NTM: variants seen among roughly 807,000 people sequenced by gnomAD.
The protein encoded by NTM is neurotrimin.
Under a neutral mutation model 42.1 loss-of-function variants are expected in NTM, and 13 were observed. That is an observed-to-expected ratio of 0.31 (90% CI 0.20 to 0.49). NTM has a LOEUF of 0.49. Among genes scored for constraint, NTM ranks in the 20% least tolerant of loss-of-function variants. The probability of loss-of-function intolerance (pLI) is 0.99; values close to 1 mark genes in which losing one functional copy is unlikely to be tolerated. For missense variants in NTM, 373 were observed against 452.8 expected (o/e 0.82, Z 1.60); for synonymous variants, 187 against 179.2 (o/e 1.04, Z -0.35).
chr11:131,975,133 CT>C (rs1254771868), intron 2 of NTM, among the ~76,000 whole-genome samples: 1 of 152,054 alleles, frequency 6.6e-6, no homozygotes, highest in Admixed American at 6.6e-5. Flanking sequence ...GTTTTTCTTT[CT>C]TCTTATTTTT....
At chr11:132,107,788 A>C (rs1299196334) in intron 2 of NTM, among the ~76,000 whole-genome samples, 1 of 151,994 alleles carries the variant, frequency 6.6e-6, no homozygotes, top group Admixed American at 6.6e-5. Context: ...ATAACTCCCT[A>C]GTTTTCTTTG....
chr11:132,215,836 G>T (rs1173923705), intron 4 of NTM, among the ~76,000 whole-genome samples: 1 of 152,202 alleles, frequency 6.6e-6, no homozygotes, highest in African/African-American at 2.4e-5. Flanking sequence ...AGAGACCTTG[G>T]TCTTTTCAGG....
intron 1 of NTM, among the ~76,000 whole-genome samples, chr11:131,456,024 C>A (rs953180901): frequency 6.6e-6 from 1 of 151,924 alleles, no homozygotes; most frequent in African/African-American, 2.4e-5. Context: ...AAGTCTTGAC[C>A]CATTTGTGCC....
intron 1 of NTM, among the ~76,000 whole-genome samples, chr11:131,739,937 G>A (rs1339270907): frequency 2.6e-5 from 4 of 152,198 alleles, no homozygotes; most frequent in Admixed American, 6.5e-5. Flanking sequence ...GGAGCTAAAC[G>A]CACAGTCTCT....
intron 1 of NTM, among the ~76,000 whole-genome samples, chr11:131,789,237 C>G (rs1185049671): frequency 6.6e-6 from 1 of 151,002 alleles, no homozygotes; most frequent in African/African-American, 2.4e-5. Context: ...CACAAGAGTT[C>G]CTAAAGTTAT....
At chr11:132,225,391 G>A (rs1474478244) in intron 4 of NTM, among the ~76,000 whole-genome samples, 1 of 152,158 alleles carries the variant, frequency 6.6e-6, no homozygotes, top group Non-Finnish European at 1.5e-5. Context: ...AAGAAAGCCA[G>A]CTCAGCACAG....
chr11:132,323,605 G>A (rs2095617385), intron 7 of NTM, among the ~76,000 whole-genome samples: 1 of 152,054 alleles, frequency 6.6e-6, no homozygotes, highest in African/African-American at 2.4e-5. Context: ...GTACAAGGAG[G>A]AACTGGTACC....
chr11:132,283,064 G>A (rs1252000302), intron 4 of NTM, among the ~76,000 whole-genome samples: 1 of 140,450 alleles, frequency 7.1e-6, no homozygotes, highest in Non-Finnish European at 1.5e-5. Flanking sequence ...TTGGCTCACT[G>A]CAACCTTCGC....
chr11:131,792,727 A>G (rs1234527816), intron 1 of NTM, among the ~76,000 whole-genome samples: 1 of 152,202 alleles, frequency 6.6e-6, no homozygotes, highest in Non-Finnish European at 1.5e-5. Flanking sequence ...CGCCACGTGC[A>G]GCCCCTTGAT....
At chr11:131,495,224 C>T (rs563047162) in intron 1 of NTM, among the ~76,000 whole-genome samples, 10 of 152,304 alleles carry the variant, frequency 6.6e-5, no homozygotes, top group Admixed American at 5.2e-4. Flanking sequence ...TCCCAGGGGA[C>T]AGCCAGCACA....
At chr11:132,227,100 T>C (rs1004695446) in intron 4 of NTM, among the ~76,000 whole-genome samples, 2 of 152,126 alleles carry the variant, frequency 1.3e-5, no homozygotes, top group Admixed American at 1.3e-4. Context: ...ACATGCAGCG[T>C]GAAGGCAGAC....
At chr11:131,443,494 T>C (rs1949786180) in intron 1 of NTM, among the ~76,000 whole-genome samples, 1 of 152,168 alleles carries the variant, frequency 6.6e-6, no homozygotes, top group South Asian at 2.1e-4. Context: ...AGTGAGTACA[T>C]GAGTCAAACT....
chr11:131,914,756 T>C (rs973843560), intron 2 of NTM, among the ~76,000 whole-genome samples: 1 of 152,214 alleles, frequency 6.6e-6, no homozygotes, highest in Non-Finnish European at 1.5e-5. Context: ...GGCATATTTC[T>C]TAAAAGGGTG....
intron 2 of NTM, among the ~76,000 whole-genome samples, chr11:132,107,923 A>G (rs1183811831): frequency 1.3e-5 from 2 of 152,238 alleles, no homozygotes; most frequent in African/African-American, 2.4e-5. Context: ...TCATAAATTG[A>G]TATCTTTGCT....
At chr11:131,697,252 A>C (rs1053611257) in intron 1 of NTM, among the ~76,000 whole-genome samples, 16 of 152,234 alleles carry the variant, frequency 1.1e-4, no homozygotes, top group African/African-American at 3.9e-4. Context: ...GTCTGCAGCC[A>C]GTCGGATGGG....
At chr11:131,520,754 G>GA (rs67512633) in intron 1 of NTM, among the ~76,000 whole-genome samples, 356 of 149,198 alleles carry the variant, frequency 2.4e-3, no homozygotes, top group Non-Finnish European at 4.3e-3. Context: ...ACCCTTAAAA[G>GA]AAAAAAAAAA....
chr11:131,669,266 T>C (rs902809365), intron 1 of NTM, among the ~76,000 whole-genome samples: 5 of 151,966 alleles, frequency 3.3e-5, no homozygotes, highest in Non-Finnish European at 7.4e-5. Context: ...ATCAAAACCA[T>C]GGAGGAAATA....
chr11:131,956,493 T>C (rs1187383156), intron 2 of NTM, among the ~76,000 whole-genome samples: 1 of 151,446 alleles, frequency 6.6e-6, no homozygotes, highest in Non-Finnish European at 1.5e-5. Flanking sequence ...CTGGCCAGAG[T>C]TTTCAGGGGT....
intron 2 of NTM, among the ~76,000 whole-genome samples, chr11:132,041,623 T>G (rs1040234120): frequency 6.6e-6 from 1 of 152,206 alleles, no homozygotes; most frequent in Non-Finnish European, 1.5e-5. Flanking sequence ...ATCCAATATT[T>G]AGGAGTCTTT....
Sources: gnomAD v4.1 joint callset for allele counts (sites outside exome capture counted in the v4.1 genomes callset) on GRCh38, gnomAD v4.1.1 for gene constraint, MANE v1.5 for transcripts, NCBI Gene and HGNC (gene_info 2026-07-23, HGNC 2026-07-21) for gene names.